RSU1: variants seen among roughly 807,000 people sequenced by gnomAD.
RSU1 encodes rsu-1.
A neutral mutation model predicts 31.1 loss-of-function variants in RSU1; 26 were observed. That is an observed-to-expected ratio of 0.84 (90% confidence interval 0.61 to 1.16). RSU1 has a LOEUF of 1.16. RSU1 is among the 50% of genes most tolerant of loss of function. The pLI is 0.00. For synonymous variants in RSU1, 164 were observed against 136.3 expected (o/e 1.20, Z -1.41); for missense variants, 320 against 339.1 (o/e 0.94, Z 0.44).
intron 8 of RSU1, among the ~76,000 whole-genome samples, chr10:16,625,403 C>G (rs992820299): frequency 6.6e-6 from 1 of 152,170 alleles, no homozygotes; most frequent in Non-Finnish European, 1.5e-5. Context: ...GAAAAGATCT[C>G]AACAGAAAAA....
chr10:16,673,198 T>A (rs1225131318), intron 8 of RSU1, among the ~76,000 whole-genome samples: 3 of 152,176 alleles, frequency 2.0e-5, no homozygotes, highest in Non-Finnish European at 4.4e-5. Context: ...GAAGCGTTCA[T>A]CTCCGGTACC....
chr10:16,592,402 C>T lies in RSU1; in HGVS notation c.*992G>A, dbSNP rs546386555. ...TGAAAAGAAGGAAAGCTGCCTATCA[C>T]AGATGTTAAACAAACAATTGATTGT... On this transcript the variant is annotated 3_prime_UTR_variant, in exon 9 of 9. Coordinates refer to ENST00000345264, the MANE Select transcript of RSU1 (RefSeq NM_012425.4). 5.7e-4 allele frequency: 87 copies of T among 152,292 alleles called. No homozygotes were observed. The highest frequency in any genetic ancestry group is 2.0e-3 in the African/African-American group (84 of 41,570). 9.4% of individuals were successfully genotyped at this position (152,292 alleles called of 1,614,324 possible).
intron 8 of RSU1, among the ~76,000 whole-genome samples, chr10:16,605,977 A>G (rs917715176): frequency 6.6e-6 from 1 of 151,466 alleles, no homozygotes; most frequent in Non-Finnish European, 1.5e-5. Flanking sequence ...TTTCATAAAC[A>G]CCTGGCTTCA....
At chr10:16,684,728 C>T (rs962957425) in intron 8 of RSU1, among the ~76,000 whole-genome samples, 35 of 152,196 alleles carry the variant, frequency 2.3e-4, no homozygotes, top group African/African-American at 7.7e-4. Flanking sequence ...GTTTGTGGTA[C>T]TTGGTTATGG....
chr10:16,674,518 A>G (rs911043079), intron 8 of RSU1, among the ~76,000 whole-genome samples: 2 of 151,962 alleles, frequency 1.3e-5, no homozygotes, highest in African/African-American at 4.8e-5. Flanking sequence ...GTGCCAGGCA[A>G]TGTCTGAAGC....
Position 16,637,508 on chromosome 10 carries a change from A to C in RSU1, c.732-44012T>G, listed in dbSNP as rs534577480. Reference sequence around the variant, plus strand: ...ACCCACTGGAGTTTCAGTTCTGCGAAGTCTTTTCAGGCCATGATGTGTGAT... The same window carrying C: ...ACCCACTGGAGTTTCAGTTCTGCGACGTCTTTTCAGGCCATGATGTGTGAT... On this transcript the variant is annotated intron_variant, in intron 8 of 8. Transcript: ENST00000345264. 2.6e-5 allele frequency among the ~76,000 whole-genome samples: 4 copies of C among 151,900 alleles called. No individual in the cohort carries two copies. In the South Asian group the frequency reaches 8.3e-4, roughly 32 times the overall value.
chr10:16,738,775 G>T (rs540138946), intron 7 of RSU1, among the ~76,000 whole-genome samples: 25 of 152,204 alleles, frequency 1.6e-4, no homozygotes, highest in African/African-American at 5.8e-4. Flanking sequence ...ACGTACCATG[G>T]TGGTTTGCTG....
At position 16,697,987 on chromosome 10, in the gene RSU1, CTTTTTTTTTTTTTTT is replaced by C. The variant is rs67816326; in HGVS notation, c.599-2847_599-2833del. ...CAGAGGGGTGATTGCAGGAACACACCTTTTTTTTTTTTTTTTTTTTTTTTTTTTTTTTACTTTGGG... is the reference window on the plus strand; with the variant it reads ...CAGAGGGGTGATTGCAGGAACACACCTTTTTTTTTTTTTTTTTACTTTGGG... On this transcript the variant is annotated intron_variant, in intron 7 of 8. Coordinates refer to ENST00000345264, the MANE Select transcript of RSU1 (RefSeq NM_012425.4). 2.3e-3 allele frequency among the ~76,000 whole-genome samples: 230 copies of C among 99,586 alleles called. 3 individuals are homozygous for C. The highest frequency in any genetic ancestry group is 0.011 in the African/African-American group (222 of 20,286). 65.3% of individuals were successfully genotyped at this position (99,586 alleles called of 152,430 possible). A position where few individuals can be genotyped will look rare whatever the true frequency, so the allele number is the denominator to read the frequency against.
chr10:16,799,669 G>C (rs1264439224), intron 2 of RSU1, among the ~76,000 whole-genome samples: 2 of 152,084 alleles, frequency 1.3e-5, no homozygotes, highest in Non-Finnish European at 2.9e-5. Flanking sequence ...GGGGAGAAGA[G>C]CAACCACTGT....
intron 8 of RSU1, among the ~76,000 whole-genome samples, chr10:16,678,546 A>G (rs1835272964): frequency 6.6e-6 from 1 of 152,218 alleles, no homozygotes; most frequent in African/African-American, 2.4e-5. Flanking sequence ...CAAATGAATG[A>G]AAATAGGAGA....
intron 7 of RSU1, among the ~76,000 whole-genome samples, chr10:16,707,889 T>G (rs1202857761): frequency 6.6e-6 from 1 of 152,214 alleles, no homozygotes; most frequent in Non-Finnish European, 1.5e-5. Context: ...GATTTTTCTT[T>G]TTTTTGGTAA....
chr10:16,637,650 G>A (rs1291951591), intron 8 of RSU1, among the ~76,000 whole-genome samples: 1 of 152,086 alleles, frequency 6.6e-6, no homozygotes, highest in African/African-American at 2.4e-5. Context: ...GGAAAACAGA[G>A]GGAACACACA....
At chr10:16,718,932 G>A (rs1304872167) in intron 7 of RSU1, among the ~76,000 whole-genome samples, 1 of 147,470 alleles carries the variant, frequency 6.8e-6, no homozygotes, top group Non-Finnish European at 1.5e-5. Flanking sequence ...AGTGAGCTGA[G>A]ATCATGCCAG....
chr10:16,752,092 A>T (rs6602152), intron 7 of RSU1, among the ~76,000 whole-genome samples: 1 of 152,072 alleles, frequency 6.6e-6, no homozygotes, highest in Non-Finnish European at 1.5e-5. Context: ...TCAAGTAGCC[A>T]TAACAACTAC....
intron 8 of RSU1, among the ~76,000 whole-genome samples, chr10:16,604,917 T>G (rs1210302649): frequency 1.3e-5 from 2 of 152,102 alleles, no homozygotes; most frequent in Admixed American, 6.5e-5. Flanking sequence ...TTCTTTTCTG[T>G]TTTACTTGAA....
chr10:16,644,105 T>C (rs758229683), intron 8 of RSU1, among the ~76,000 whole-genome samples: 52 of 144,520 alleles, frequency 3.6e-4, no homozygotes, highest in Middle Eastern at 3.5e-3. Flanking sequence ...CAGAGGGTGG[T>C]GGGGGGGGGT....
intron 2 of RSU1, among the ~76,000 whole-genome samples, chr10:16,801,483 C>G (rs758081053): frequency 3.9e-5 from 6 of 152,124 alleles, no homozygotes; most frequent in Non-Finnish European, 8.8e-5. Context: ...TTGACAGATC[C>G]AGCAGGCAGA....
intron 7 of RSU1, among the ~76,000 whole-genome samples, chr10:16,705,154 C>A (rs1835871177): frequency 6.6e-6 from 1 of 152,108 alleles, no homozygotes; most frequent in East Asian, 1.9e-4. Flanking sequence ...TATTTCACTT[C>A]ATATAATTTC....
Position 16,593,301 on chromosome 10 carries a change from C to T in RSU1, c.*93G>A, listed in dbSNP as rs139330900. 130 of 1,570,086 alleles carry T rather than the reference C, an allele frequency of 8.3e-5. No individual in the cohort carries two copies. Among genetic ancestry groups the T allele is most frequent in the East Asian group, 1.8e-4 (8 of 44,072 alleles). On this transcript the variant is annotated 3_prime_UTR_variant, in exon 9 of 9. Coordinates refer to ENST00000345264, the MANE Select transcript of RSU1 (RefSeq NM_012425.4). Reference sequence around the variant, plus strand: ...AAAGAAAAATAAAAAAGGCCTCACACGCAGCATTGGGTTTATTTGAGAGAC... The same window carrying T: ...AAAGAAAAATAAAAAAGGCCTCACATGCAGCATTGGGTTTATTTGAGAGAC...
Sources: allele counts gnomAD v4.1 joint callset (sites outside exome capture counted in the v4.1 genomes callset), GRCh38; gene constraint gnomAD v4.1.1; transcripts MANE v1.5; gene names NCBI Gene and HGNC (gene_info 2026-07-23, HGNC 2026-07-21).